VPS53: variants seen among roughly 807,000 people sequenced by gnomAD.
VPS53 encodes vacuolar protein sorting-associated protein 53 homolog.
In VPS53, 70 loss-of-function variants were observed where a neutral mutation model predicts 107.0. That is an observed-to-expected ratio of 0.65 (90% CI 0.54 to 0.80). VPS53 has a LOEUF of 0.80. Among genes scored for constraint, VPS53 ranks in the 30% least tolerant of loss-of-function variants. The pLI is 0.00. For synonymous variants in VPS53, 409 were observed against 393.3 expected (o/e 1.04, Z -0.47); for missense variants, 917 against 1,049.4 (o/e 0.87, Z 1.74).
At chr17:571,284 G>A (rs1377334540) in intron 13 of VPS53, among the ~76,000 whole-genome samples, 3 of 151,640 alleles carry the variant, frequency 2.0e-5, no homozygotes, top group Non-Finnish European at 4.4e-5. Flanking sequence ...GAAAGGGAAA[G>A]AGAGAAAAAG....
intron 3 of VPS53, 138 bp from the exon 4 acceptor site, chr17:697,622 G>A (rs1973025882): frequency 7.2e-6 from 5 of 697,164 alleles, no homozygotes; most frequent in Non-Finnish European, 1.2e-5. Context: ...ACATGTGTGA[G>A]TGGCATCAGG....
intron 18 of VPS53, among the ~76,000 whole-genome samples, chr17:535,225 G>T (rs530284585): frequency 6.6e-6 from 1 of 152,192 alleles, no homozygotes; most frequent in Non-Finnish European, 1.5e-5. Flanking sequence ...CAGATGTGAG[G>T]GGGGGCATCC....
chr17:560,278 G>A (rs1912811553), intron 15 of VPS53, 148 bp downstream of exon 15: 1 of 1,064,090 alleles, frequency 9.4e-7, no homozygotes, highest in Non-Finnish European at 1.3e-6. Context: ...CTTATGGCTG[G>A]ACACTGAGCT....
At chr17:672,081 C>G (rs1456738373) in intron 4 of VPS53, among the ~76,000 whole-genome samples, 1 of 142,926 alleles carries the variant, frequency 7.0e-6, no homozygotes, top group African/African-American at 2.6e-5. Context: ...GGGCAGGAGG[C>G]TGGACTACAG....
At chr17:556,186 A>G (rs1434142123) in intron 15 of VPS53, among the ~76,000 whole-genome samples, 3 of 152,130 alleles carry the variant, frequency 2.0e-5, no homozygotes, top group Non-Finnish European at 4.4e-5. Context: ...GCCACTTGGG[A>G]GGCTGAGGGT....
At chr17:541,225 C>CT (rs1233565062) in intron 17 of VPS53, among the ~76,000 whole-genome samples, 1 of 152,210 alleles carries the variant, frequency 6.6e-6, no homozygotes, top group Non-Finnish European at 1.5e-5. Context: ...GGCTTTCACT[C>CT]CCGCAGCATC....
At chr17:679,861 A>AC (rs1252627483) in intron 4 of VPS53, among the ~76,000 whole-genome samples, 3 of 152,134 alleles carry the variant, frequency 2.0e-5, no homozygotes, top group Non-Finnish European at 4.4e-5. Flanking sequence ...TATAAAGCTG[A>AC]CAAAGGTCAG....
intron 2 of VPS53, among the ~76,000 whole-genome samples, chr17:703,903 C>T (rs1291860862): frequency 6.6e-6 from 1 of 151,786 alleles, no homozygotes; most frequent in African/African-American, 2.4e-5. Flanking sequence ...CAGGCTCAAG[C>T]GATCCTCCTG....
At chr17:527,229 G>A (rs1327959718) in intron 19 of VPS53, among the ~76,000 whole-genome samples, 1 of 152,122 alleles carries the variant, frequency 6.6e-6, no homozygotes, top group Non-Finnish European at 1.5e-5. Flanking sequence ...AAACTCTCCT[G>A]CTGTCTCTCA....
chr17:601,582 G>A (rs904365234), intron 12 of VPS53, among the ~76,000 whole-genome samples: 3 of 152,316 alleles, frequency 2.0e-5, no homozygotes, highest in South Asian at 2.1e-4. Flanking sequence ...TCCTGGAGGC[G>A]GGGCTCTTCA....
intron 19 of VPS53, among the ~76,000 whole-genome samples, chr17:525,980 C>T (rs926375691): frequency 9.0e-5 from 10 of 111,314 alleles, no homozygotes; most frequent in African/African-American, 3.3e-4. Flanking sequence ...CTGGGCAACA[C>T]GGTGAGACAT....
chr17:678,656 T>C (rs1479590787), intron 4 of VPS53, among the ~76,000 whole-genome samples: 1 of 150,914 alleles, frequency 6.6e-6, no homozygotes, highest in Non-Finnish European at 1.5e-5. Flanking sequence ...ATATATTTTT[T>C]TGAGACAGAG....
chr17:620,934 G>T (rs1230318504), intron 11 of VPS53, among the ~76,000 whole-genome samples: 1 of 151,960 alleles, frequency 6.6e-6, no homozygotes, highest in East Asian at 1.9e-4. Flanking sequence ...TTACAAGAAA[G>T]GATTTGGAAA....
intron 4 of VPS53, among the ~76,000 whole-genome samples, chr17:676,563 C>A (rs920442841): frequency 1.7e-4 from 26 of 152,160 alleles, no homozygotes; most frequent in Non-Finnish European, 1.3e-4. Context: ...TTGTGACTGC[C>A]TCTAACATGG....
intron 11 of VPS53, among the ~76,000 whole-genome samples, chr17:612,517 C>A (rs1297435262): frequency 1.5e-5 from 2 of 133,614 alleles, no homozygotes; most frequent in Admixed American, 1.5e-4. Context: ...ACAGTGAAAA[C>A]CTGTACAAAT....
At position 520,075 on chromosome 17, in the gene VPS53, C is replaced by T. The variant is rs1273553228; in HGVS notation, c.2224-145G>A. 2 of 624,546 alleles carry T rather than the reference C, an allele frequency of 3.2e-6. No homozygotes were observed. The highest frequency in any genetic ancestry group is 2.8e-6 in the Non-Finnish European group (1 of 351,594). The allele number at this position is 624,546 out of a possible 1,614,324, so 38.7% of individuals were successfully genotyped here. A position where few individuals can be genotyped will look rare whatever the true frequency, so the allele number is the denominator to read the frequency against. On this transcript the variant is annotated intron_variant, in intron 20 of 21. Transcript: ENST00000437048. The surrounding 1 kb of genome is among the most constrained non-coding windows in gnomAD (Gnocchi z 4.4). ...CAGGAAAACTCACTCCTCACTTGCCCGCCGAGCGCTAAATGGATTCTGAGA... is the reference window on the plus strand; with the variant it reads ...CAGGAAAACTCACTCCTCACTTGCCTGCCGAGCGCTAAATGGATTCTGAGA...
At chr17:603,088 C>A (rs1258280959) in intron 11 of VPS53, among the ~76,000 whole-genome samples, 1 of 152,106 alleles carries the variant, frequency 6.6e-6, no homozygotes, top group East Asian at 1.9e-4. Flanking sequence ...TTGCCAAGTG[C>A]CAGGACACCA....
intron 12 of VPS53, among the ~76,000 whole-genome samples, chr17:598,250 C>T (rs981773638): frequency 1.3e-5 from 2 of 152,200 alleles, no homozygotes; most frequent in Non-Finnish European, 2.9e-5. Context: ...GACGGAGTCT[C>T]GTTCACTCAG....
intron 17 of VPS53, among the ~76,000 whole-genome samples, chr17:551,280 A>G (rs1447720006): frequency 1.3e-5 from 2 of 152,230 alleles, no homozygotes; most frequent in Middle Eastern, 3.4e-3. Context: ...AAAATGATCC[A>G]TCTCAGCTGG....
Sources: gnomAD v4.1 joint callset for allele counts (sites outside exome capture counted in the v4.1 genomes callset) on GRCh38, gnomAD v4.1.1 for gene constraint, Gnocchi (gnomAD v3.1) non-coding constraint, MANE v1.5 for transcripts, NCBI Gene and HGNC (gene_info 2026-07-23, HGNC 2026-07-21) for gene names.